Variants in NCOA3 observed in about 807,000 individuals in gnomAD.
The protein encoded by NCOA3 is nuclear receptor coactivator 3.
NCOA3 carries 51 observed loss-of-function variants against 158.8 expected under a neutral mutation model. The ratio of observed to expected loss-of-function variants is 0.32; its 90% CI spans 0.26 to 0.41. The LOEUF (loss-of-function observed/expected upper bound fraction) is 0.41. NCOA3 is among the 10% of genes least tolerant of loss of function. NCOA3 has a pLI of 1.00. For missense variants in NCOA3, 1,510 were observed against 1,746.6 expected, an observed-to-expected ratio of 0.86 and a Z score of 2.41; for synonymous variants, 537 against 592.4, an observed-to-expected ratio of 0.91 and a Z score of 1.36.
intron 1 of NCOA3, among the ~76,000 whole-genome samples, chr20:47,559,641 G>C (rs1335829828): frequency 6.6e-6 from 1 of 152,068 alleles, no homozygotes; most frequent in Non-Finnish European, 1.5e-5. Flanking sequence ...AGCACTTTGG[G>C]AGGCCGAGGT....
chr20:47,578,821 G>C (rs999213324), intron 1 of NCOA3, among the ~76,000 whole-genome samples: 1 of 152,168 alleles, frequency 6.6e-6, no homozygotes, highest in Non-Finnish European at 1.5e-5. Flanking sequence ...TGAGGAAGGA[G>C]ATCCTGGGAG....
chr20:47,651,092 A>ACAGCAG lies in NCOA3; in HGVS notation c.3786_3791dup (p.Gln1275_Gln1276dup), dbSNP rs3830809. On this transcript the variant is annotated inframe_insertion, in exon 20 of 23. Coordinates refer to ENST00000371998, the MANE Select transcript of NCOA3 (RefSeq NM_181659.3). ...TGATGCAGCAGCAGCAGCAGCAGCA[A>ACAGCAG]CAGCAGCAGCAGCAGCAGCAGCAGC... 602 of 1,461,372 alleles carry ACAGCAG rather than the reference A, an allele frequency of 4.1e-4. 1 individual carries two copies. The East Asian group carries it at 6.9e-3, about 17-fold the overall frequency. The allele number at this position is 1,461,372 out of a possible 1,614,324, so 90.5% of individuals were successfully genotyped here. A position where few individuals can be genotyped will look rare whatever the true frequency, so the allele number is the denominator to read the frequency against.
intron 1 of NCOA3, among the ~76,000 whole-genome samples, chr20:47,571,462 C>T (rs2085294131): frequency 1.3e-5 from 2 of 151,822 alleles, no homozygotes; most frequent in Non-Finnish European, 2.9e-5. Context: ...GGACTACTGG[C>T]ACACACCACC....
At chr20:47,620,057 G>A (rs1333859178) in intron 2 of NCOA3, among the ~76,000 whole-genome samples, 5 of 152,000 alleles carry the variant, frequency 3.3e-5, no homozygotes, top group African/African-American at 1.2e-4. Context: ...GCCTCCCAAA[G>A]TGGTGGGATT....
intron 16 of NCOA3, among the ~76,000 whole-genome samples, chr20:47,641,490 CTTTTTTTTTTTTTT>C (rs71183270): frequency 1.9e-4 from 9 of 48,366 alleles, no homozygotes; most frequent in South Asian, 7.3e-4. Context: ...TGGCTCCCTT[CTTTTTTTTTTTTTT>C]TTTTTTTTTT....
chr20:47,509,899 A>G (rs1268997615), intron 1 of NCOA3, among the ~76,000 whole-genome samples: 2 of 152,178 alleles, frequency 1.3e-5, no homozygotes, highest in Non-Finnish European at 2.9e-5. Context: ...TTTTATGACA[A>G]TGTGTTAATC....
intron 1 of NCOA3, among the ~76,000 whole-genome samples, chr20:47,551,420 A>G (rs142034241): frequency 1.3e-4 from 20 of 152,322 alleles, no homozygotes; most frequent in Admixed American, 6.5e-4. Context: ...TCTTTCAAGC[A>G]GTAGACTTTC....
In NCOA3 at chr20:47,648,984, A is replaced by G. The variant is rs769711624; in HGVS notation, c.3547-21A>G. The G allele has an allele frequency of 9.7e-6, 15 of 1,538,736 alleles. No individual in the cohort carries two copies. In the East Asian group the frequency reaches 2.0e-4, roughly 21 times the overall value. Reference sequence around the variant, plus strand: ...GACTGACGTGCTCTGCTTGCATTCTAACCAACTTGTCTCACCTCAGTTTTT... The same window carrying G: ...GACTGACGTGCTCTGCTTGCATTCTGACCAACTTGTCTCACCTCAGTTTTT... On this transcript the variant is annotated intron_variant, in intron 18 of 22. Coordinates refer to ENST00000371998, the MANE Select transcript of NCOA3 (RefSeq NM_181659.3).
intron 1 of NCOA3, among the ~76,000 whole-genome samples, chr20:47,574,130 A>G (rs1194718960): frequency 6.6e-6 from 1 of 152,188 alleles, no homozygotes; most frequent in Non-Finnish European, 1.5e-5. Context: ...TTGAACATAT[A>G]GACAAGATAA....
chr20:47,630,253 A>G (rs1375302947), intron 8 of NCOA3: 1 of 152,140 alleles, frequency 6.6e-6, no homozygotes, highest in Non-Finnish European at 1.5e-5. Flanking sequence ...GGTCACCATT[A>G]AAATTCTGAA....
At position 47,647,921 on chromosome 20, in the gene NCOA3, T is replaced by TTG. The variant is rs1568755769; in HGVS notation, c.3546+556_3546+557insGT. ...TGTTTGTTTGTTTGTTTTGTTTTGT[T>TTG]TTTTTTTTTTTGAGGTGGAGTCTTG... On this transcript the variant is annotated intron_variant, in intron 18 of 22. Transcript: ENST00000371998. Among the ~76,000 whole-genome samples, 73 of 139,418 alleles carry TTG rather than the reference T, an allele frequency of 5.2e-4. 2 individuals are homozygous for TTG. Among genetic ancestry groups the TTG allele is most frequent in the African/African-American group, 1.7e-3 (69 of 39,462 alleles). The allele number at this position is 139,418 out of a possible 152,430, so 91.5% of individuals were successfully genotyped here. A position where few individuals can be genotyped will look rare whatever the true frequency, so the allele number is the denominator to read the frequency against.
rs147465911 is a variant in NCOA3, at chr20:47,537,642, C to A, written c.-99+35623C>A. On this transcript the variant is annotated intron_variant, in intron 1 of 22. Transcript: ENST00000371998. The stretch of plus-strand genomic sequence containing the variant: ...CGCCCAAGCTGGAGTGCAGGTGGCA[C>A]GATCTCAGCTCACTGGAACCTCTGC... Among the ~76,000 whole-genome samples, 768 of 150,594 alleles carry A rather than the reference C, an allele frequency of 5.1e-3. 6 individuals carry two copies. Among genetic ancestry groups the A allele is most frequent in the Middle Eastern group, 0.017 (5 of 290 alleles).
intron 1 of NCOA3, among the ~76,000 whole-genome samples, chr20:47,579,599 AG>A (rs2085421344): frequency 1.3e-5 from 2 of 152,236 alleles, no homozygotes; most frequent in Non-Finnish European, 2.9e-5. Context: ...GGTATATAGT[AG>A]TACTCCTTTC....
At chr20:47,530,461 CTT>C (rs11483053) in intron 1 of NCOA3, among the ~76,000 whole-genome samples, 25 of 129,348 alleles carry the variant, frequency 1.9e-4, no homozygotes, top group African/African-American at 5.0e-4. Context: ...AATGATTTAA[CTT>C]TTTTTTTTTT....
chr20:47,525,219 A>T (rs2084409018), intron 1 of NCOA3, among the ~76,000 whole-genome samples: 1 of 151,952 alleles, frequency 6.6e-6, no homozygotes, highest in African/African-American at 2.4e-5. Context: ...GAGTGGACAC[A>T]GCACATGTTT....
intron 1 of NCOA3, among the ~76,000 whole-genome samples, chr20:47,547,634 A>G (rs1389265564): frequency 6.6e-6 from 1 of 151,746 alleles, no homozygotes; most frequent in African/African-American, 2.4e-5. Context: ...TAGCCAGGAT[A>G]GTCTCGATCT....
intron 2 of NCOA3, among the ~76,000 whole-genome samples, chr20:47,598,425 T>C (rs1439378255): frequency 6.6e-6 from 1 of 151,990 alleles, no homozygotes; most frequent in African/African-American, 2.4e-5. Context: ...AACCTCCACC[T>C]CCTGGGTTCA....
At chr20:47,517,670 C>G (rs1041285471) in intron 1 of NCOA3, among the ~76,000 whole-genome samples, 1 of 151,924 alleles carries the variant, frequency 6.6e-6, no homozygotes, top group South Asian at 2.1e-4. Flanking sequence ...AGGCTGTTCT[C>G]GAACTCCTAA....
chr20:47,640,572 A>T (rs537808314), intron 16 of NCOA3, among the ~76,000 whole-genome samples: 165 of 152,332 alleles, frequency 1.1e-3, no homozygotes, highest in African/African-American at 3.7e-3. Context: ...TAGCATCTTT[A>T]AAATTTTTCA....
Sources: gnomAD v4.1 joint callset for allele counts (sites outside exome capture counted in the v4.1 genomes callset) on GRCh38, gnomAD v4.1.1 for gene constraint, MANE v1.5 for transcripts, NCBI Gene and HGNC (gene_info 2026-07-23, HGNC 2026-07-21) for gene names.